The following ZNF605 variants were observed in gnomAD, a reference collection of about 807,000 sequenced individuals.
ZNF605 encodes the protein zinc finger protein 605.
ZNF605 carries 9 observed loss-of-function variants against 7.9 expected under a neutral mutation model. That is an observed-to-expected ratio of 1.14 (90% CI 0.68 to 1.98). The LOEUF is 1.98. Ranked by LOEUF, ZNF605 falls within the 30% of genes most tolerant of loss-of-function variation. The probability of loss-of-function intolerance (pLI) is 0.00; values close to 1 mark genes in which losing one functional copy is unlikely to be tolerated. For missense variants in ZNF605, 673 were observed against 762.4 expected (o/e 0.88, Z 1.38); for synonymous variants, 255 against 260.1 (o/e 0.98, Z 0.19).
chr12:132,925,251 C>G lies in ZNF605; in HGVS notation c.*122G>C, dbSNP rs1283068523. The G allele has an allele frequency of 4.3e-6, 3 of 699,836 alleles. No homozygotes were observed. Among genetic ancestry groups the G allele is most frequent in the South Asian group, 4.5e-5 (2 of 44,312 alleles). The allele number at this position is 699,836 out of a possible 1,614,324, so 43.4% of individuals were successfully genotyped here. On this transcript the variant is annotated 3_prime_UTR_variant, in exon 5 of 5. Transcript: ENST00000360187. Reference sequence around the variant, plus strand: ...TTCTGCTTAGTGACTCTTGACTCCTCAATTCAAGCTTTTTCAACAGTCACT... The same window carrying G: ...TTCTGCTTAGTGACTCTTGACTCCTGAATTCAAGCTTTTTCAACAGTCACT...
At position 132,921,624 on chromosome 12, in the gene ZNF605, T is replaced by G. The variant is rs370258613; in HGVS notation, c.*3749A>C. 1.1e-4 allele frequency: 17 copies of G among 152,326 alleles called. No individual in the cohort carries two copies. In the East Asian group the frequency reaches 2.5e-3, roughly 22 times the overall value. The allele number at this position is 152,326 out of a possible 1,614,324, so 9.4% of individuals were successfully genotyped here. ...GATCAGAGCAGAGTGATACACAAGT[T>G]TATTAACACAGACTACAACGTCAAT... On this transcript the variant is annotated 3_prime_UTR_variant, in exon 5 of 5. Transcript: ENST00000360187.
intron 1 of ZNF605, among the ~76,000 whole-genome samples, chr12:132,952,052 C>T (rs1253457258): frequency 6.6e-6 from 1 of 152,060 alleles, no homozygotes; most frequent in African/African-American, 2.4e-5. Flanking sequence ...ACACACCAGG[C>T]ACTGTTCTGA....
chr12:132,947,644 TTTTC>T (rs1227561357), intron 2 of ZNF605, among the ~76,000 whole-genome samples: 4 of 152,300 alleles, frequency 2.6e-5, no homozygotes, highest in East Asian at 3.9e-4. Context: ...ATAAAATTAT[TTTTC>T]TTTATTTTCT....
chr12:132,938,050 G>A (rs1159321317), intron 3 of ZNF605, among the ~76,000 whole-genome samples: 4 of 152,158 alleles, frequency 2.6e-5, no homozygotes, highest in South Asian at 2.1e-4. Context: ...GCGCGATCTC[G>A]GCTCATGGCA....
chr12:132,938,843 C>T lies in ZNF605; in HGVS notation c.16-5688G>A, dbSNP rs57232604. 4.2e-3 allele frequency among the ~76,000 whole-genome samples: 636 copies of T among 152,046 alleles called. 8 individuals are homozygous for T. The East Asian group carries it at 0.048, about 11-fold the overall frequency. Reference sequence around the variant, plus strand: ...GCGTGGGCTTGGTGGGCGCCGCACTCGGAGCAGCCAGCCAGCCCTGCTGGC... The same window carrying T: ...GCGTGGGCTTGGTGGGCGCCGCACTTGGAGCAGCCAGCCAGCCCTGCTGGC... On this transcript the variant is annotated intron_variant, in intron 3 of 4. Transcript: ENST00000360187.
Position 132,925,321 on chromosome 12 carries a change from G to C in ZNF605, c.*52C>G. ...CCCACATGCATCCTCAAAAGTGTCA[G>C]AAAGTATGACACTTGATAGCAACCT... On this transcript the variant is annotated 3_prime_UTR_variant, in exon 5 of 5. Coordinates refer to ENST00000360187, the MANE Select transcript of ZNF605 (RefSeq NM_183238.4). The C allele has an allele frequency of 7.3e-7, 1 of 1,368,406 alleles. No individual in the cohort carries two copies. The highest frequency in any genetic ancestry group is 1.4e-5 in the South Asian group (1 of 69,320). The allele number at this position is 1,368,406 out of a possible 1,614,324, so 84.8% of individuals were successfully genotyped here. A position where few individuals can be genotyped will look rare whatever the true frequency, so the allele number is the denominator to read the frequency against.
intron 3 of ZNF605, among the ~76,000 whole-genome samples, chr12:132,943,911 T>G (rs890979102): frequency 1.3e-3 from 192 of 152,280 alleles, no homozygotes; most frequent in African/African-American, 4.5e-3. Context: ...CTCTAGATGT[T>G]TACGGTTAAG....
intron 4 of ZNF605, among the ~76,000 whole-genome samples, chr12:132,930,087 G>A (rs1188699151): frequency 6.6e-6 from 1 of 152,196 alleles, no homozygotes; most frequent in Non-Finnish European, 1.5e-5. Context: ...AAGGAGTGAC[G>A]AGGTAGGGTC....
At chr12:132,932,210 C>A (rs1357546294) in intron 4 of ZNF605, among the ~76,000 whole-genome samples, 1 of 152,146 alleles carries the variant, frequency 6.6e-6, no homozygotes, top group East Asian at 1.9e-4. Context: ...CTCTCCCCAA[C>A]CTCCACAGCA....
chr12:132,955,217 C>T (rs1312240898), intron 1 of ZNF605, among the ~76,000 whole-genome samples: 5 of 152,252 alleles, frequency 3.3e-5, no homozygotes, highest in African/African-American at 1.2e-4. Flanking sequence ...GTTTTTCTTT[C>T]ACAGAGAGGT....
Position 132,926,405 on chromosome 12 carries a change from T to G in ZNF605, c.894A>C (p.Thr298=). Residue 298 remains threonine (T), a synonymous_variant, in exon 5 of 5, where the codon ACA becomes ACC. Coordinates refer to ENST00000360187, the MANE Select transcript of ZNF605 (RefSeq NM_183238.4). Reference sequence around the variant, plus strand: ...TCTCTCCTGTGTGCGCTCTCTGATGTGTGATGAGTTTTAATTTCTGGGAGA... The same window carrying G: ...TCTCTCCTGTGTGCGCTCTCTGATGGGTGATGAGTTTTAATTTCTGGGAGA... ...KAFSQKLKLI[T]HQRAHTGEKP... is the part of the protein sequence containing the mutation. The G allele has an allele frequency of 6.2e-6, 10 of 1,614,090 alleles. No individual in the cohort carries two copies. The highest frequency in any genetic ancestry group is 8.5e-6 in the Non-Finnish European group (10 of 1,180,016).
chr12:132,925,911 C>T lies in ZNF605; in HGVS notation c.1388G>A (p.Ser463Asn). 6.2e-7 allele frequency: 1 copy of T among 1,614,090 alleles called. No homozygotes were observed. The highest frequency in any genetic ancestry group is 8.5e-7 in the Non-Finnish European group (1 of 1,179,996). ...ECGKAFTQKS[S>N]LISHQRTHTG... Reference sequence around the variant, plus strand: ...ATGTGTTCTCTGATGTGATATCAGGCTTGACTTCTGGGTGAAGGCCTTCCC... The same window carrying T: ...ATGTGTTCTCTGATGTGATATCAGGTTTGACTTCTGGGTGAAGGCCTTCCC... Residue 463 changes from serine (S) to asparagine (N), a missense_variant, in exon 5 of 5, where the codon AGC becomes AAC. Ser to Asn is a conservative substitution (Grantham distance 46). Transcript: ENST00000360187.
chr12:132,940,311 T>C (rs1028211120), intron 3 of ZNF605, among the ~76,000 whole-genome samples: 5 of 152,184 alleles, frequency 3.3e-5, no homozygotes, highest in African/African-American at 9.7e-5. Flanking sequence ...GTTGATGACA[T>C]GAACTTGGAC....
chr12:132,939,907 G>A (rs1434271368), intron 3 of ZNF605, among the ~76,000 whole-genome samples: 1 of 151,260 alleles, frequency 6.6e-6, no homozygotes, highest in Non-Finnish European at 1.5e-5. Flanking sequence ...TACCTTAAGA[G>A]CTGTAACACT....
chr12:132,947,017 T>TGG (rs1391520862), intron 2 of ZNF605, among the ~76,000 whole-genome samples: 1 of 64,502 alleles, frequency 1.6e-5, no homozygotes, highest in Non-Finnish European at 4.1e-5. Context: ...TGTTTTTTTT[T>TGG]GGTTTTTTTT....
intron 4 of ZNF605, among the ~76,000 whole-genome samples, chr12:132,930,076 C>T (rs1952292264): frequency 6.6e-6 from 1 of 152,154 alleles, no homozygotes; most frequent in African/African-American, 2.4e-5. Flanking sequence ...CTGTGTCGCC[C>T]AAGGAGTGAC....
At chr12:132,934,703 T>TA (rs1287567047) in intron 3 of ZNF605, among the ~76,000 whole-genome samples, 283 of 25,520 alleles carry the variant, frequency 0.011, 3 homozygotes, top group Middle Eastern at 0.062. Flanking sequence ...AGATTCCGTC[T>TA]AAAAAAAAAA....
rs1157106298 is a variant in ZNF605, at chr12:132,941,265, T to A, written c.15+4356A>T. ...GAGCCTCCGCGTGTGCTGCTTCTGC[T>A]CTCAGAAGACGGTGAACCACGGGAA... On this transcript the variant is annotated intron_variant, in intron 3 of 4. Coordinates refer to ENST00000360187, the MANE Select transcript of ZNF605 (RefSeq NM_183238.4). The surrounding 1 kb of genome is among the most constrained non-coding windows in gnomAD (Gnocchi z 5.1). Among the ~76,000 whole-genome samples, 1 of 152,010 alleles carries A rather than the reference T, an allele frequency of 6.6e-6. No homozygotes were observed. Among genetic ancestry groups the A allele is most frequent in the African/African-American group, 2.4e-5 (1 of 41,390 alleles).
chr12:132,951,236 C>T (rs1166429366), intron 1 of ZNF605, among the ~76,000 whole-genome samples: 1 of 151,590 alleles, frequency 6.6e-6, no homozygotes, highest in Non-Finnish European at 1.5e-5. Flanking sequence ...CACACATACA[C>T]TCAGACACGT....
Sources: allele counts gnomAD v4.1 joint callset (sites outside exome capture counted in the v4.1 genomes callset), GRCh38; gene constraint gnomAD v4.1.1; non-coding constraint Gnocchi (gnomAD v3.1); transcripts MANE v1.5; gene names NCBI Gene and HGNC (gene_info 2026-07-23, HGNC 2026-07-21).